The following SLC48A1 variants were observed in gnomAD, a reference collection of about 807,000 sequenced individuals.
The protein encoded by SLC48A1 is solute carrier family 48 member 1.
SLC48A1 carries 6 observed loss-of-function variants against 14.8 expected under a neutral mutation model. The ratio of observed to expected loss-of-function variants is 0.41; its 90% CI spans 0.22 to 0.80. The LOEUF (loss-of-function observed/expected upper bound fraction) is 0.80. Among genes scored for constraint, SLC48A1 ranks in the 30% least tolerant of loss-of-function variants. The pLI is 0.34. For missense variants in SLC48A1, 165 were observed against 204.8 expected (o/e 0.81, Z 1.19); for synonymous variants, 89 against 90.0 (o/e 0.99, Z 0.06).
chr12:47,764,066 G>A (rs571069929), intron 2 of SLC48A1, among the ~76,000 whole-genome samples: 3 of 152,264 alleles, frequency 2.0e-5, no homozygotes, highest in Admixed American at 6.5e-5. Flanking sequence ...CCTGCCTCCC[G>A]GCAAGTTTAC....
Position 47,777,525 on chromosome 12 carries a change from A to G in SLC48A1, c.137-1503A>G, listed in dbSNP as rs1942779639. Among the ~76,000 whole-genome samples, 1 of 152,182 alleles carries G rather than the reference A, an allele frequency of 6.6e-6. No individual in the cohort carries two copies. Among genetic ancestry groups the G allele is most frequent in the Non-Finnish European group, 1.5e-5 (1 of 68,034 alleles). On this transcript the variant is annotated intron_variant, in intron 1 of 2. Transcript: ENST00000442218. The surrounding 1 kb of genome is among the most constrained non-coding windows in gnomAD (Gnocchi z 4.5). ...CAAGGCTTTGGGACACAGCAGTGCC[A>G]GGCTCCTGGTTTCTTGGCTTGGAGT...
intron 1 of SLC48A1, among the ~76,000 whole-genome samples, chr12:47,776,095 A>G (rs1942746267): frequency 6.6e-6 from 1 of 152,168 alleles, no homozygotes; most frequent in East Asian, 1.9e-4. Flanking sequence ...TCTTCCTCCT[A>G]GGAAGGAATA....
At chr12:47,778,012 C>G (rs1942787731) in intron 1 of SLC48A1, among the ~76,000 whole-genome samples, 1 of 152,222 alleles carries the variant, frequency 6.6e-6, no homozygotes, top group African/African-American at 2.4e-5. Context: ...GTGGCCCACA[C>G]CTTGCAACCC....
upstream of SLC48A1, among the ~76,000 whole-genome samples, chr12:47,768,034 G>A (rs753171553): frequency 1.4e-4 from 21 of 152,048 alleles, no homozygotes; most frequent in Non-Finnish European, 1.8e-4. Flanking sequence ...CTGGAGTTGA[G>A]TGGTGCGATC....
At chr12:47,768,196 C>T (rs1174606417), upstream of SLC48A1, among the ~76,000 whole-genome samples, 3 of 152,134 alleles carry the variant, frequency 2.0e-5, no homozygotes, top group Non-Finnish European at 2.9e-5. Flanking sequence ...AGGCTGGCCT[C>T]GAACTCCTGA....
At chr12:47,757,928 T>C, upstream of SLC48A1, 1 of 1,556,848 alleles carries the variant, frequency 6.4e-7, no homozygotes, top group Non-Finnish European at 8.7e-7. Context: ...TAGGAGCAGC[T>C]TCGGGGCCGG....
At chr12:47,758,941 A>C in intron 1 of SLC48A1, 2 of 1,024,650 alleles carry the variant, frequency 2.0e-6, no homozygotes, top group African/African-American at 1.7e-5. Flanking sequence ...TCCCCTCCCC[A>C]GGACTGGCGG....
At chr12:47,757,241 A>G (rs56907417), upstream of SLC48A1, among the ~76,000 whole-genome samples, 3,673 of 152,214 alleles carry the variant, frequency 0.024, 141 homozygotes, top group African/African-American at 0.084. Flanking sequence ...CTTGCCTCCC[A>G]AATCCCACCA....
chr12:47,780,162 A>G lies in SLC48A1; in HGVS notation c.322A>G (p.Ser108Gly), dbSNP rs1565782869. Residue 108 changes from serine to glycine, a missense_variant, in exon 3 of 3, where the codon AGC becomes GGC. Ser to Gly is a moderately conservative substitution (Grantham distance 56). Coordinates refer to ENST00000442218, the MANE Select transcript of SLC48A1 (RefSeq NM_017842.3). ...TRHQSLTDPT[S>G]YYLSSVWSFI... ...CCCTGCAGGCCTCACAGACCCCACC[A>G]GCTACTACCTCTCCAGCGTCTGGAG... 1 of 1,607,166 alleles carries G rather than the reference A, an allele frequency of 6.2e-7. No homozygotes were observed. Among genetic ancestry groups the G allele is most frequent in the Middle Eastern group, 1.7e-4 (1 of 6,040 alleles).
chr12:47,767,200 G>A (rs960625715), upstream of SLC48A1, among the ~76,000 whole-genome samples: 1 of 151,882 alleles, frequency 6.6e-6, no homozygotes, highest in Non-Finnish European at 1.5e-5. Context: ...GGGGTGGGGG[G>A]GTGGAGGGGC....
intron 1 of SLC48A1, among the ~76,000 whole-genome samples, chr12:47,776,502 G>A (rs1368570662): frequency 6.6e-6 from 1 of 152,198 alleles, no homozygotes; most frequent in Non-Finnish European, 1.5e-5. Flanking sequence ...CTCCTTCAGT[G>A]ACCCCCTTGG....
In SLC48A1 at chr12:47,773,458, G is replaced by T; in HGVS notation, c.136+18G>T. On this transcript the variant is annotated intron_variant, in intron 1 of 2. Coordinates refer to ENST00000442218, the MANE Select transcript of SLC48A1 (RefSeq NM_017842.3). ...GCTCGCAGGTACCCCGGGACGCTGG[G>T]CGGCGCGGGGCGGGTGCGCGGCTGC... 1 of 1,320,500 alleles carries T rather than the reference G, an allele frequency of 7.6e-7. No homozygotes were observed. 81.8% of individuals were successfully genotyped at this position (1,320,500 alleles called of 1,614,324 possible).
chr12:47,756,762 C>A (rs545165396), upstream of SLC48A1, among the ~76,000 whole-genome samples: 1 of 152,058 alleles, frequency 6.6e-6, no homozygotes, highest in East Asian at 1.9e-4. Flanking sequence ...CGAGGTCAAG[C>A]GATCAAGACC....
chr12:47,767,340 G>A (rs1942537750), upstream of SLC48A1, among the ~76,000 whole-genome samples: 1 of 152,184 alleles, frequency 6.6e-6, no homozygotes, highest in Admixed American at 6.5e-5. Flanking sequence ...CCTAGAGCCA[G>A]GGTCAAAGAA....
chr12:47,761,340 A>G (rs760954725), intron 2 of SLC48A1, among the ~76,000 whole-genome samples: 1 of 151,512 alleles, frequency 6.6e-6, no homozygotes, highest in Admixed American at 6.6e-5. Context: ...CTTCAACACT[A>G]CTCTTGCCTT....
rs990590782 is a variant in SLC48A1, at chr12:47,759,110, T to C, written c.-373+450T>C. On this transcript the variant is annotated intron_variant, in intron 1 of 4. Coordinates refer to the SLC48A1 transcript ENST00000547002. ...GGGGCAGGAGCGGCCCCGAAGTGTG[T>C]GGAGGAGGCCGCAACGGCCGGGGTG... 3.1e-6 allele frequency: 3 copies of C among 965,824 alleles called. No homozygotes were observed. The African/African-American group carries it at 5.3e-5, about 17-fold the overall frequency. 59.8% of individuals were successfully genotyped at this position (965,824 alleles called of 1,614,324 possible).
intron 2 of SLC48A1, among the ~76,000 whole-genome samples, chr12:47,765,164 G>A (rs1343113646): frequency 6.7e-6 from 1 of 149,808 alleles, no homozygotes; most frequent in East Asian, 2.0e-4. Context: ...ACAGAAAAGT[G>A]GGATCCAGAG....
At chr12:47,759,353 G>C (rs1401777448) in intron 1 of SLC48A1, among the ~76,000 whole-genome samples, 3 of 147,274 alleles carry the variant, frequency 2.0e-5, no homozygotes, top group East Asian at 4.1e-4. Flanking sequence ...GCTTTCCCGC[G>C]GGGAATCCCG....
chr12:47,758,204 A>G (rs770035818), upstream of SLC48A1: 109 of 1,439,976 alleles, frequency 7.6e-5, no homozygotes, highest in Non-Finnish European at 9.5e-5. Context: ...AGGTGCTGCA[A>G]CCCTGCCAGG....
Sources: gnomAD v4.1 joint callset for allele counts (sites outside exome capture counted in the v4.1 genomes callset) on GRCh38, gnomAD v4.1.1 for gene constraint, Gnocchi (gnomAD v3.1) non-coding constraint, MANE v1.5 for transcripts, NCBI Gene and HGNC (gene_info 2026-07-23, HGNC 2026-07-21) for gene names.